RARB: variants seen among roughly 807,000 people sequenced by gnomAD.
RARB encodes the protein HBV-activated protein.
RARB carries 17 observed loss-of-function variants against 51.9 expected under a neutral mutation model. The ratio of observed to expected loss-of-function variants is 0.33; its 90% CI spans 0.22 to 0.49. RARB has a LOEUF of 0.49. Ranked by LOEUF, RARB falls within the 20% of genes least tolerant of loss-of-function variation. The pLI is 0.99. For missense variants in RARB, 369 were observed against 550.8 expected, an observed-to-expected ratio of 0.67 and a Z score of 3.30; for synonymous variants, 215 against 195.4, an observed-to-expected ratio of 1.10 and a Z score of -0.84.
chr3:25,498,289 G>T (rs1209844416), intron 2 of RARB, among the ~76,000 whole-genome samples: 1 of 152,034 alleles, frequency 6.6e-6, no homozygotes, highest in Admixed American at 6.6e-5. Flanking sequence ...ACACACTCTG[G>T]GTCCTCAAAG....
intron 5 of RARB, among the ~76,000 whole-genome samples, chr3:25,373,433 G>T (rs778530958): frequency 2.0e-5 from 3 of 152,114 alleles, no homozygotes; most frequent in Non-Finnish European, 4.4e-5. Flanking sequence ...GAGAATGCAC[G>T]TGCAGACCCT....
chr3:25,110,883 T>C (rs747291447), intron 3 of RARB, among the ~76,000 whole-genome samples: 1 of 152,214 alleles, frequency 6.6e-6, no homozygotes, highest in Non-Finnish European at 1.5e-5. Flanking sequence ...AGCTGCATTA[T>C]GTGAAAGACA....
At chr3:25,431,380 A>C (rs575899493) in intron 1 of RARB, among the ~76,000 whole-genome samples, 1 of 152,266 alleles carries the variant, frequency 6.6e-6, no homozygotes, top group South Asian at 2.1e-4. Context: ...TTTTAATTTT[A>C]AAGGCAGAAA....
intron 2 of RARB, among the ~76,000 whole-genome samples, chr3:25,486,386 C>A (rs536540336): frequency 6.6e-6 from 1 of 152,162 alleles, no homozygotes; most frequent in African/African-American, 2.4e-5. Context: ...AGTAGACTAG[C>A]TTAGAGCCCT....
intron 2 of RARB, among the ~76,000 whole-genome samples, chr3:24,938,310 C>T (rs1348257485): frequency 6.6e-6 from 1 of 152,102 alleles, no homozygotes; most frequent in African/African-American, 2.4e-5. Context: ...GCCCTAGAGT[C>T]TTTCGTTGTA....
intron 1 of RARB, among the ~76,000 whole-genome samples, chr3:24,831,422 A>T (rs1481713542): frequency 6.6e-6 from 1 of 152,206 alleles, no homozygotes; most frequent in East Asian, 1.9e-4. Flanking sequence ...CACATCTGAG[A>T]CGCCATCAGG....
intron 5 of RARB, among the ~76,000 whole-genome samples, chr3:25,370,216 A>C (rs192923429): frequency 1.1e-4 from 17 of 152,356 alleles, no homozygotes; most frequent in African/African-American, 3.6e-4. Flanking sequence ...TTAAAGGAGC[A>C]CTTTACCTTT....
At chr3:25,392,708 G>A (rs956934004) in intron 5 of RARB, among the ~76,000 whole-genome samples, 1 of 152,020 alleles carries the variant, frequency 6.6e-6, no homozygotes, top group African/African-American at 2.4e-5. Flanking sequence ...TAGATGCATA[G>A]CAGTGCTACT....
chr3:25,284,738 T>A (rs536089443), intron 5 of RARB, among the ~76,000 whole-genome samples: 1 of 152,168 alleles, frequency 6.6e-6, no homozygotes, highest in Non-Finnish European at 1.5e-5. Context: ...TTTAACAACA[T>A]GAGTTTGAAC....
chr3:24,893,428 A>G (rs1034925714), intron 2 of RARB, among the ~76,000 whole-genome samples: 5 of 152,230 alleles, frequency 3.3e-5, no homozygotes, highest in African/African-American at 1.2e-4. Context: ...TACTCTGTGC[A>G]TCGTGCTTTG....
intron 4 of RARB, among the ~76,000 whole-genome samples, chr3:25,137,583 G>A (rs756480625): frequency 6.6e-6 from 1 of 152,086 alleles, no homozygotes; most frequent in Non-Finnish European, 1.5e-5. Flanking sequence ...GTTAAAGTTT[G>A]AAGAGCTTTA....
chr3:24,918,753 T>A (rs914565420), intron 2 of RARB, among the ~76,000 whole-genome samples: 7 of 152,064 alleles, frequency 4.6e-5, no homozygotes, highest in African/African-American at 1.7e-4. Context: ...TAGCTGGTCG[T>A]GGTGGCGGGT....
intron 2 of RARB, among the ~76,000 whole-genome samples, chr3:24,863,294 C>T (rs950054387): frequency 2.6e-5 from 4 of 152,214 alleles, no homozygotes; most frequent in Admixed American, 6.5e-5. Flanking sequence ...TAACCAGCCA[C>T]AGATGCTTTG....
At chr3:25,083,123 A>T (rs906806177) in intron 3 of RARB, among the ~76,000 whole-genome samples, 1 of 93,290 alleles carries the variant, frequency 1.1e-5, no homozygotes, top group Non-Finnish European at 2.0e-5. Context: ...ATATTATATC[A>T]TTAGGTATGA....
At chr3:25,181,967 C>T (rs1165762602) in intron 5 of RARB, among the ~76,000 whole-genome samples, 3 of 152,032 alleles carry the variant, frequency 2.0e-5, no homozygotes, top group Non-Finnish European at 2.9e-5. Context: ...CTTCTTTATG[C>T]CTGAGCAATT....
At chr3:25,192,751 T>G (rs1701135320) in intron 5 of RARB, among the ~76,000 whole-genome samples, 1 of 152,018 alleles carries the variant, frequency 6.6e-6, no homozygotes, top group Non-Finnish European at 1.5e-5. Flanking sequence ...CGACAAAACT[T>G]GTTCTGTTGA....
chr3:24,993,172 G>C (rs2125436213), intron 2 of RARB, among the ~76,000 whole-genome samples: 1 of 152,098 alleles, frequency 6.6e-6, no homozygotes, highest in Non-Finnish European at 1.5e-5. Flanking sequence ...ATGACATGAT[G>C]ATTCTGGTGA....
intron 3 of RARB, among the ~76,000 whole-genome samples, chr3:25,521,032 C>T (rs943116090): frequency 1.3e-5 from 2 of 152,144 alleles, no homozygotes; most frequent in African/African-American, 4.8e-5. Flanking sequence ...TGTCAAAGTG[C>T]TTTGAGAAAT....
At chr3:25,442,979 A>G (rs1238652930) in intron 1 of RARB, among the ~76,000 whole-genome samples, 1 of 152,000 alleles carries the variant, frequency 6.6e-6, no homozygotes, top group Non-Finnish European at 1.5e-5. Context: ...GCAGAGAGGA[A>G]CTGGCCATAT....
Sources: gnomAD v4.1 joint callset for allele counts (sites outside exome capture counted in the v4.1 genomes callset) on GRCh38, gnomAD v4.1.1 for gene constraint, MANE v1.5 for transcripts, NCBI Gene and HGNC (gene_info 2026-07-23, HGNC 2026-07-21) for gene names.